ABCB7: variants seen among roughly 807,000 people sequenced by gnomAD.
ABCB7 encodes iron-sulfur clusters transporter ABCB7, mitochondrial.
ABCB7 carries 7 observed loss-of-function variants against 54.4 expected under a neutral mutation model. That is an observed-to-expected ratio of 0.13 (90% CI 0.07 to 0.24). The LOEUF (loss-of-function observed/expected upper bound fraction) is 0.24. Among genes scored for constraint, ABCB7 ranks in the 10% least tolerant of loss-of-function variants. The pLI is 1.00. For missense variants in ABCB7, 356 were observed against 570.4 expected, an observed-to-expected ratio of 0.62 and a Z score of 3.83; for synonymous variants, 218 against 207.1, an observed-to-expected ratio of 1.05 and a Z score of -0.45.
Position 75,057,657 on chromosome X carries a change from C to T in ABCB7, c.2043+2566G>A, listed in dbSNP as rs145816729. Among the ~76,000 whole-genome samples the T allele has an allele frequency of 5.7e-3, 635 of 111,425 alleles. 3 individuals carry two copies. The highest frequency in any genetic ancestry group is 9.3e-3 in the Non-Finnish European group (493 of 53,094). ...AAGAATAGAGCATTGAAAGGCTGAC[C>T]GGAAGCTCTGTGTGCATCAATATGC... On this transcript the variant is annotated intron_variant, in intron 15 of 15. Coordinates refer to ENST00000373394, the MANE Select transcript of ABCB7 (RefSeq NM_001271696.3).
In ABCB7 at chrX:75,141,090, C is replaced by A. The variant is rs1287637958; in HGVS notation, c.168+15015G>T. On this transcript the variant is annotated intron_variant, in intron 1 of 15. Coordinates refer to ENST00000373394, the MANE Select transcript of ABCB7 (RefSeq NM_001271696.3). ...TCAATATGTTGGCATTTTTTAATTT[C>A]ATTTTTCTCTAAAAAAGATATCAAT... Among the ~76,000 whole-genome samples, 3 of 111,710 alleles carry A rather than the reference C, an allele frequency of 2.7e-5. No homozygotes were observed. In the Admixed American group the frequency reaches 2.9e-4, roughly 11 times the overall value.
chrX:75,147,539 G>A (rs1045483388), intron 1 of ABCB7, among the ~76,000 whole-genome samples: 6 of 111,338 alleles, frequency 5.4e-5, no homozygotes, highest in African/African-American at 2.0e-4. Flanking sequence ...TGGAGCTGGA[G>A]GCCATTATCC....
intron 3 of ABCB7, among the ~76,000 whole-genome samples, chrX:75,105,395 A>G (rs756623605): frequency 1.8e-5 from 2 of 111,323 alleles, no homozygotes; most frequent in African/African-American, 3.3e-5. Context: ...ACCAATCAAG[A>G]GCTCAATCTC....
At chrX:75,082,809 C>G (rs2081466516) in intron 4 of ABCB7, among the ~76,000 whole-genome samples, 1 of 110,291 alleles carries the variant, frequency 9.1e-6, no homozygotes, top group Non-Finnish European at 1.9e-5. Context: ...GTAACCACTA[C>G]AAAATTATAT....
At chrX:75,103,790 A>G (rs775565238) in intron 3 of ABCB7, among the ~76,000 whole-genome samples, 1 of 110,468 alleles carries the variant, frequency 9.1e-6, no homozygotes, top group Non-Finnish European at 1.9e-5. Context: ...GGTGTATAGA[A>G]AGACTACTGA....
intron 3 of ABCB7, among the ~76,000 whole-genome samples, chrX:75,102,005 T>C (rs2081644300): frequency 9.0e-6 from 1 of 111,641 alleles, no homozygotes; most frequent in African/African-American, 3.2e-5. Flanking sequence ...AATGCATTTT[T>C]TTAACTGGAG....
intron 4 of ABCB7, among the ~76,000 whole-genome samples, chrX:75,078,981 G>A (rs1159353472): frequency 8.9e-6 from 1 of 112,118 alleles, no homozygotes; most frequent in Non-Finnish European, 1.9e-5. Flanking sequence ...AAAAGTGATA[G>A]TTACAGCTAG....
chrX:75,148,430 C>T (rs1240002741), intron 1 of ABCB7, among the ~76,000 whole-genome samples: 2 of 108,968 alleles, frequency 1.8e-5, no homozygotes, highest in Admixed American at 9.9e-5. Context: ...TATATCTTTC[C>T]AATTTTCTAT....
Position 75,053,410 on chromosome X carries a change from A to T in ABCB7, c.2219T>A (p.Ile740Asn), listed in dbSNP as rs1236427842. 1 of 1,211,055 alleles carries T rather than the reference A, an allele frequency of 8.3e-7. No individual in the cohort carries two copies. The highest frequency in any genetic ancestry group is 3.0e-5 in the East Asian group (1 of 33,847). Residue 740 changes from isoleucine (I) to asparagine (N), a missense_variant, in exon 16 of 16, where the codon ATT (isoleucine) becomes AAT (asparagine). Transcript: ENST00000373394. ...EEERKKLQEE[I>N]VNSVKGCGNC... ...TCCACAGCCTTTCACACTATTGACAATTTCTTCTTGTAGTTTCTTTCTTTC... is the reference window on the plus strand; with the variant it reads ...TCCACAGCCTTTCACACTATTGACATTTTCTTCTTGTAGTTTCTTTCTTTC...
chrX:75,136,235 T>A (rs1266459445), intron 1 of ABCB7, among the ~76,000 whole-genome samples: 2 of 110,980 alleles, frequency 1.8e-5, no homozygotes, highest in Non-Finnish European at 3.8e-5. Context: ...AAGAATAGAA[T>A]CCCATTCACA....
intron 15 of ABCB7, among the ~76,000 whole-genome samples, chrX:75,059,370 C>T (rs1406392619): frequency 1.8e-5 from 2 of 109,032 alleles, no homozygotes; most frequent in Non-Finnish European, 3.8e-5. Context: ...ACTTGGGGGG[C>T]TGAGGTGGGA....
rs373357748 is a variant in ABCB7 at position 75,057,763 on chromosome X, C to CT, written c.2043+2459dup. 3.1e-3 allele frequency among the ~76,000 whole-genome samples: 297 copies of CT among 97,199 alleles called. 2 individuals carry two copies. Among genetic ancestry groups the CT allele is most frequent in the African/African-American group, 6.4e-3 (179 of 27,784 alleles). The allele number at this position is 97,199 out of a possible 115,157, so 84.4% of individuals were successfully genotyped here. Reference sequence around the variant, plus strand: ...TGTTGGGGTTCTCAAATACAAATATCTTTTTTTTTTTTCCTGGGGCTGCTT... The same window carrying CT: ...TGTTGGGGTTCTCAAATACAAATATCTTTTTTTTTTTTTCCTGGGGCTGCTT... On this transcript the variant is annotated intron_variant, in intron 15 of 15. Transcript: ENST00000373394.
At chrX:75,148,909 C>T (rs973082657) in intron 1 of ABCB7, among the ~76,000 whole-genome samples, 58 of 111,763 alleles carry the variant, frequency 5.2e-4, no homozygotes, top group African/African-American at 1.9e-3. Context: ...TAAGTCACTA[C>T]AGTCAGAGTA....
chrX:75,107,874 G>T (rs955976750), intron 3 of ABCB7, among the ~76,000 whole-genome samples: 1 of 110,658 alleles, frequency 9.0e-6, no homozygotes, highest in Non-Finnish European at 1.9e-5. Flanking sequence ...CCACAGAGGG[G>T]TATAGCACCA....
rs145158583 is a variant in ABCB7 at position 75,125,502 on chromosome X, A to G, written c.169-10671T>C. Among the ~76,000 whole-genome samples the G allele has an allele frequency of 4.0e-4, 45 of 111,774 alleles. No homozygotes were observed. In the East Asian group the frequency reaches 0.013, roughly 32 times the overall value. Reference sequence around the variant, plus strand: ...ACTTCAGAGGTAGGGAAACACAGTTATTTGGGACAATTTCTGATAGCAATC... The same window carrying G: ...ACTTCAGAGGTAGGGAAACACAGTTGTTTGGGACAATTTCTGATAGCAATC... On this transcript the variant is annotated intron_variant, in intron 1 of 15. Coordinates refer to ENST00000373394, the MANE Select transcript of ABCB7 (RefSeq NM_001271696.3).
At chrX:75,061,776 G>A (rs1170363438) in intron 14 of ABCB7, among the ~76,000 whole-genome samples, 1 of 112,290 alleles carries the variant, frequency 8.9e-6, no homozygotes, top group Non-Finnish European at 1.9e-5. Context: ...TAATGCAGCT[G>A]TGGGGCAATG....
chrX:75,147,142 G>T (rs779962014), intron 1 of ABCB7, among the ~76,000 whole-genome samples: 28 of 111,222 alleles, frequency 2.5e-4, no homozygotes, highest in Middle Eastern at 4.8e-3. Flanking sequence ...AGTCAGAATG[G>T]CTAGTATTAA....
chrX:75,152,687 T>C (rs2082140930), intron 1 of ABCB7, among the ~76,000 whole-genome samples: 1 of 108,900 alleles, frequency 9.2e-6, no homozygotes, highest in Admixed American at 9.8e-5. Flanking sequence ...TGAGAGGAAG[T>C]CTCGCTCTGT....
chrX:75,124,578 T>C (rs2081908610), intron 1 of ABCB7, among the ~76,000 whole-genome samples: 1 of 111,974 alleles, frequency 8.9e-6, no homozygotes, highest in African/African-American at 3.2e-5. Flanking sequence ...AATGGCTGAA[T>C]ATTAAAAGTT....
Sources: gnomAD v4.1 joint callset for allele counts (sites outside exome capture counted in the v4.1 genomes callset) on GRCh38, gnomAD v4.1.1 for gene constraint, MANE v1.5 for transcripts, NCBI Gene and HGNC (gene_info 2026-07-23, HGNC 2026-07-21) for gene names.